CPD: variants seen among roughly 807,000 people sequenced by gnomAD.
CPD encodes metallocarboxypeptidase D.
A neutral mutation model predicts 138.3 loss-of-function variants in CPD; 69 were observed. That is an observed-to-expected ratio of 0.50 (90% CI 0.41 to 0.61). CPD has a LOEUF of 0.61. Ranked by LOEUF, CPD falls within the 20% of genes least tolerant of loss-of-function variation. The pLI is 0.00. For missense variants in CPD, 1,432 were observed against 1,733.3 expected (o/e 0.83, Z 3.09); for synonymous variants, 651 against 642.1 (o/e 1.01, Z -0.21).
intron 8 of CPD, among the ~76,000 whole-genome samples, chr17:30,432,776 G>C (rs372412348): frequency 7.2e-5 from 11 of 151,878 alleles, no homozygotes; most frequent in South Asian, 4.1e-4. Context: ...AAAATTAGCC[G>C]GTTGTGGTGA....
In CPD at chr17:30,464,065, GA is replaced by G. The variant is rs1044352520; in HGVS notation, c.3917-515del. 2.5e-3 allele frequency among the ~76,000 whole-genome samples: 381 copies of G among 151,786 alleles called. 1 individual carries two copies. The highest frequency in any genetic ancestry group is 8.8e-3 in the African/African-American group (363 of 41,428). ...ACAGTATAATTTCATTATGGTAAAA[GA>G]AAAAAAATACATGTACGTGCATATG... On this transcript the variant is annotated intron_variant, in intron 20 of 20. Coordinates refer to ENST00000225719, the MANE Select transcript of CPD (RefSeq NM_001304.5).
intron 6 of CPD, among the ~76,000 whole-genome samples, chr17:30,425,360 G>A (rs562349147): frequency 8.5e-5 from 13 of 152,192 alleles, no homozygotes; most frequent in African/African-American, 3.1e-4. Context: ...ACAGAGAGGA[G>A]TATAGAGTTC....
chr17:30,431,762 TC>T lies in CPD; in HGVS notation c.2018-7del, dbSNP rs1912571756. 4 of 1,575,398 alleles carry T rather than the reference TC, an allele frequency of 2.5e-6. No individual in the cohort carries two copies. The East Asian group carries it at 9.0e-5, about 35-fold the overall frequency. On this transcript the variant is annotated splice_polypyrimidine_tract_variant and intron_variant, in intron 7 of 20. Coordinates refer to ENST00000225719, the MANE Select transcript of CPD (RefSeq NM_001304.5). ...GACAACATGATACATTTTCCTCTTT[TC>T]CCTTATAGGTTCTTTGGTGGTTAAC...
intron 17 of CPD, among the ~76,000 whole-genome samples, chr17:30,459,302 A>G (rs558599564): frequency 6.6e-6 from 1 of 151,612 alleles, no homozygotes; most frequent in African/African-American, 2.4e-5. Flanking sequence ...ATATGTATAC[A>G]TGTGCCATGT....
intron 2 of CPD, among the ~76,000 whole-genome samples, chr17:30,387,112 TTTG>T (rs532804638): frequency 7.9e-5 from 12 of 152,028 alleles, no homozygotes; most frequent in African/African-American, 2.4e-4. Flanking sequence ...TAAAGAATTG[TTTG>T]TTGTTGTTGT....
intron 11 of CPD, 61 bp downstream of exon 11, chr17:30,444,032 G>T (rs562599500): frequency 6.4e-7 from 1 of 1,561,528 alleles, no homozygotes; most frequent in African/African-American, 1.4e-5. Flanking sequence ...CCATTCTGGA[G>T]GATTATTACT....
rs538272933 is a variant in CPD, at chr17:30,379,596, A to AGCGGCCGCGACAATAGTC, written c.628_645dup (p.Asn210_Asp215dup). The AGCGGCCGCGACAATAGTC allele has an allele frequency of 2.7e-6, 4 of 1,481,732 alleles. No individual in the cohort carries two copies. The highest frequency in any genetic ancestry group is 5.4e-5 in the East Asian group (2 of 37,230). The allele number at this position is 1,481,732 out of a possible 1,614,324, so 91.8% of individuals were successfully genotyped here. ...CGGCGACGGCGGCCCGTCCGGGGCC[A>AGCGGCCGCGACAATAGTC]GCGGCCGCGACAATAGTCGCGGCCG... On this transcript the variant is annotated inframe_insertion, in exon 1 of 21. Coordinates refer to ENST00000225719, the MANE Select transcript of CPD (RefSeq NM_001304.5). The surrounding 1 kb of genome is among the most constrained non-coding windows in gnomAD (Gnocchi z 7.0).
chr17:30,450,874 A>C (rs1343917118), intron 13 of CPD, among the ~76,000 whole-genome samples: 1 of 152,092 alleles, frequency 6.6e-6, no homozygotes, highest in Non-Finnish European at 1.5e-5. Flanking sequence ...AAAACAAAAC[A>C]AAACTTTGAC....
At chr17:30,450,091 C>CT (rs1913128339) in intron 13 of CPD, 1 of 153,448 alleles carries the variant, frequency 6.5e-6, no homozygotes, top group Admixed American at 6.8e-5. Flanking sequence ...GAGTCCTGCT[C>CT]TATCACCCAG....
chr17:30,451,912 TG>T, intron 14 of CPD, 66 bp downstream of exon 14: 1 of 1,476,284 alleles, frequency 6.8e-7, no homozygotes. Context: ...GAAGATTGAT[TG>T]ATCCTATTTT....
At position 30,467,025 on chromosome 17, in the gene CPD, A is replaced by G. The variant is rs2143524755; in HGVS notation, c.*2211A>G. ...GTATTACCTAGAAGCGTGAATGTAT[A>G]GGATACCTGACTACTAAGACTATAT... On this transcript the variant is annotated 3_prime_UTR_variant, in exon 21 of 21. Coordinates refer to ENST00000225719, the MANE Select transcript of CPD (RefSeq NM_001304.5). 1 of 152,756 alleles carries G rather than the reference A, an allele frequency of 6.5e-6. No individual in the cohort carries two copies. Among genetic ancestry groups the G allele is most frequent in the Non-Finnish European group, 1.5e-5 (1 of 68,014 alleles). 9.5% of individuals were successfully genotyped at this position (152,756 alleles called of 1,614,324 possible). A position where few individuals can be genotyped will look rare whatever the true frequency, so the allele number is the denominator to read the frequency against.
At chr17:30,457,599 C>G (rs564873667) in intron 17 of CPD, among the ~76,000 whole-genome samples, 1 of 151,972 alleles carries the variant, frequency 6.6e-6, no homozygotes, top group Non-Finnish European at 1.5e-5. Context: ...ATTTTACATT[C>G]CTTACCAGCA....
intron 1 of CPD, among the ~76,000 whole-genome samples, chr17:30,381,839 TTTG>T (rs1013837902): frequency 1.3e-5 from 2 of 151,428 alleles, no homozygotes; most frequent in African/African-American, 4.9e-5. Flanking sequence ...GAATTAGATT[TTTG>T]TTGTTATTTC....
At chr17:30,402,859 C>T (rs1353896277) in intron 2 of CPD, among the ~76,000 whole-genome samples, 3 of 152,126 alleles carry the variant, frequency 2.0e-5, no homozygotes, top group Non-Finnish European at 4.4e-5. Context: ...ATAATCCCAG[C>T]ACTTTGAGAG....
chr17:30,459,823 C>G (rs1259678261), intron 17 of CPD, among the ~76,000 whole-genome samples: 1 of 152,064 alleles, frequency 6.6e-6, no homozygotes, highest in Non-Finnish European at 1.5e-5. Context: ...ATTCATTGTC[C>G]ATCCACTTCA....
At chr17:30,458,740 C>T (rs1180893757) in intron 17 of CPD, among the ~76,000 whole-genome samples, 1 of 152,076 alleles carries the variant, frequency 6.6e-6, no homozygotes, top group Non-Finnish European at 1.5e-5. Flanking sequence ...GTGCTGCGCA[C>T]CTGTAATCCC....
intron 18 of CPD, 126 bp from the exon 19 acceptor site, chr17:30,461,751 T>A (rs984151895): frequency 3.7e-5 from 27 of 721,382 alleles, no homozygotes; most frequent in Non-Finnish European, 5.8e-5. Context: ...CAGAGTTTGA[T>A]ACTTGTTTGT....
intron 11 of CPD, 182 bp downstream of exon 11, chr17:30,444,153 A>G: frequency 2.0e-6 from 1 of 489,172 alleles, no homozygotes. Context: ...CGAAAAAAAA[A>G]AAAAGGAAAG....
At chr17:30,447,045 G>A (rs1292214584) in intron 12 of CPD, among the ~76,000 whole-genome samples, 1 of 152,138 alleles carries the variant, frequency 6.6e-6, no homozygotes. Flanking sequence ...TTGTAAATTT[G>A]TTTAAGTTCT....
Sources: gnomAD v4.1 joint callset for allele counts (sites outside exome capture counted in the v4.1 genomes callset) on GRCh38, gnomAD v4.1.1 for gene constraint, Gnocchi (gnomAD v3.1) non-coding constraint, MANE v1.5 for transcripts, NCBI Gene and HGNC (gene_info 2026-07-23, HGNC 2026-07-21) for gene names.